SORCS3: variants seen among roughly 807,000 people sequenced by gnomAD.
SORCS3 encodes the protein sortilin related VPS10 domain containing receptor 3, also known as VPS10 domain-containing receptor SorCS3.
A neutral mutation model predicts 146.3 loss-of-function variants in SORCS3; 57 were observed. The ratio of observed to expected loss-of-function variants is 0.39; its 90% CI spans 0.31 to 0.49. The LOEUF is 0.49. Among genes scored for constraint, SORCS3 ranks in the 20% least tolerant of loss-of-function variants. The probability of loss-of-function intolerance (pLI) is 0.92; values close to 1 mark genes in which losing one functional copy is unlikely to be tolerated. For missense variants in SORCS3, 1,341 were observed against 1,575.5 expected (o/e 0.85, Z 2.52); for synonymous variants, 653 against 618.5 (o/e 1.06, Z -0.83).
intron 2 of SORCS3, among the ~76,000 whole-genome samples, chr10:104,861,792 G>A (rs1254268337): frequency 1.3e-5 from 2 of 152,140 alleles, no homozygotes; most frequent in Non-Finnish European, 2.9e-5. Context: ...TTCAACAACA[G>A]AAATGTCCCA....
At chr10:104,818,360 T>TTCCTTCCTTC (rs1564690794) in intron 1 of SORCS3, among the ~76,000 whole-genome samples, 4,435 of 139,816 alleles carry the variant, frequency 0.032, 117 homozygotes, top group Non-Finnish European at 0.038. Flanking sequence ...TCTTCTCCTT[T>TTCCTTCCTTC]CTTCCTTCCT....
At position 105,214,554 on chromosome 10, in the gene SORCS3, G is replaced by A. The variant is rs765469437; in HGVS notation, c.2488G>A (p.Asp830Asn). 2.0e-5 allele frequency: 32 copies of A among 1,610,842 alleles called. No homozygotes were observed. The highest frequency in any genetic ancestry group is 5.5e-5 in the South Asian group (5 of 90,654). ...APRGLHVVTT[D>N]GRLVAEQGHN... is the part of the protein sequence containing the mutation. ...TCGGGGCCTCCATGTGGTGACGACCGATGGGCGGCTGGTGGCAGAGCAGGG... is the reference window on the plus strand; with the variant it reads ...TCGGGGCCTCCATGTGGTGACGACCAATGGGCGGCTGGTGGCAGAGCAGGG... Residue 830 changes from aspartate to asparagine, a missense_variant, in exon 18 of 27, where the codon GAT (aspartate) becomes AAT (asparagine). Coordinates refer to ENST00000369701, the MANE Select transcript of SORCS3 (RefSeq NM_014978.3).
intron 6 of SORCS3, among the ~76,000 whole-genome samples, chr10:105,094,940 G>T (rs1401781548): frequency 6.6e-6 from 1 of 152,176 alleles, no homozygotes; most frequent in African/African-American, 2.4e-5. Flanking sequence ...GAACAGGTAG[G>T]TAGCTTCCTG....
intron 1 of SORCS3, among the ~76,000 whole-genome samples, chr10:104,751,953 ATATATATATAT>A (rs1564675430): frequency 1.3e-4 from 15 of 117,372 alleles, no homozygotes; most frequent in African/African-American, 4.9e-4. Context: ...ATATATATAT[ATATATATATAT>A]ATATAATAGT....
At chr10:104,991,288 G>T (rs1428716791) in intron 4 of SORCS3, among the ~76,000 whole-genome samples, 1 of 152,114 alleles carries the variant, frequency 6.6e-6, no homozygotes, top group Non-Finnish European at 1.5e-5. Flanking sequence ...AGACTGAGTG[G>T]CTTAAACAAT....
intron 1 of SORCS3, among the ~76,000 whole-genome samples, chr10:104,758,021 G>C (rs1018382516): frequency 6.6e-6 from 1 of 152,148 alleles, no homozygotes; most frequent in African/African-American, 2.4e-5. Flanking sequence ...AAAAACAGGA[G>C]AATTTTCAGC....
chr10:104,940,238 ATTTTTTTTT>A (rs1186082602), intron 3 of SORCS3, among the ~76,000 whole-genome samples: 840 of 31,460 alleles, frequency 0.027, 12 homozygotes, highest in African/African-American at 0.079. Flanking sequence ...ATATATATAT[ATTTTTTTTT>A]TTTTTTTTAT....
intron 2 of SORCS3, among the ~76,000 whole-genome samples, chr10:104,886,560 A>ATCTATCCG (rs1203532555): frequency 3.8e-5 from 1 of 26,204 alleles, no homozygotes; most frequent in African/African-American, 1.2e-4. Flanking sequence ...TCTATCATCT[A>ATCTATCCG]TCTATCTATC....
intron 3 of SORCS3, among the ~76,000 whole-genome samples, chr10:104,954,917 G>A (rs1215095356): frequency 2.0e-5 from 3 of 152,142 alleles, no homozygotes; most frequent in Non-Finnish European, 4.4e-5. Context: ...AAGTGAGAAA[G>A]GCTGAAACCA....
chr10:104,851,504 G>A (rs2130518), intron 2 of SORCS3, among the ~76,000 whole-genome samples: 7,961 of 152,202 alleles, frequency 0.052, 639 homozygotes, highest in African/African-American at 0.18. Flanking sequence ...GCCTTCTAAT[G>A]CAGTTGATAA....
At position 105,183,363 on chromosome 10, in the gene SORCS3, G is replaced by GT. The variant is rs11314566; in HGVS notation, c.2009+5199dup. Among the ~76,000 whole-genome samples the GT allele has an allele frequency of 1.5e-4, 22 of 151,606 alleles. 1 individual carries two copies. The highest frequency in any genetic ancestry group is 9.8e-4 in the Admixed American group (15 of 15,230). On this transcript the variant is annotated intron_variant, in intron 14 of 26. Coordinates refer to ENST00000369701, the MANE Select transcript of SORCS3 (RefSeq NM_014978.3). ...TTATGCAAACCCCAAAGCTGCAGAG[G>GT]TTTTTTTTTCTTTTTTTAAATGAAG...
chr10:105,256,594 T>A (rs527342751), intron 24 of SORCS3, among the ~76,000 whole-genome samples: 24 of 152,280 alleles, frequency 1.6e-4, no homozygotes, highest in African/African-American at 5.8e-4. Flanking sequence ...CTAGCAAGTT[T>A]CCCCAGGCTG....
chr10:105,190,359 G>T (rs928961866), intron 14 of SORCS3, among the ~76,000 whole-genome samples: 2 of 152,182 alleles, frequency 1.3e-5, no homozygotes, highest in Admixed American at 6.5e-5. Context: ...ATAGTTGTTA[G>T]CATACCCTCA....
intron 1 of SORCS3, among the ~76,000 whole-genome samples, chr10:104,780,702 T>C (rs2017364694): frequency 6.6e-6 from 1 of 152,202 alleles, no homozygotes; most frequent in Non-Finnish European, 1.5e-5. Context: ...GAATTATGGC[T>C]CTGAAACCAA....
At chr10:105,045,242 G>A (rs1233266184) in intron 5 of SORCS3, among the ~76,000 whole-genome samples, 2 of 152,072 alleles carry the variant, frequency 1.3e-5, no homozygotes, top group Non-Finnish European at 2.9e-5. Flanking sequence ...AAGAGCAAGA[G>A]GAGAAGGTTC....
chr10:104,801,064 T>C (rs2017618431), intron 1 of SORCS3, among the ~76,000 whole-genome samples: 2 of 152,270 alleles, frequency 1.3e-5, no homozygotes, highest in African/African-American at 4.8e-5. Flanking sequence ...GTTCACTTTT[T>C]CTAGCATAGA....
chr10:105,247,469 G>T (rs2056874088), intron 22 of SORCS3, 138 bp downstream of exon 22: 1 of 523,428 alleles, frequency 1.9e-6, no homozygotes. Flanking sequence ...GAGAGAAGAG[G>T]CTGGGTGCAG....
At chr10:104,996,744 ATTAC>A (rs971267514) in intron 4 of SORCS3, among the ~76,000 whole-genome samples, 10 of 152,174 alleles carry the variant, frequency 6.6e-5, no homozygotes, top group Non-Finnish European at 1.3e-4. Context: ...AAATATGAAA[ATTAC>A]TTAATGTGTG....
intron 1 of SORCS3, among the ~76,000 whole-genome samples, chr10:104,736,411 A>G (rs1762845338): frequency 6.6e-6 from 1 of 152,216 alleles, no homozygotes; most frequent in Admixed American, 6.5e-5. Flanking sequence ...ACTCAAGTGG[A>G]AAGAACACAT....
Sources: gnomAD v4.1 joint callset for allele counts (sites outside exome capture counted in the v4.1 genomes callset) on GRCh38, gnomAD v4.1.1 for gene constraint, MANE v1.5 for transcripts, NCBI Gene and HGNC (gene_info 2026-07-23, HGNC 2026-07-21) for gene names.